PLIN4: variants seen among roughly 807,000 people sequenced by gnomAD.
The protein encoded by PLIN4 is perilipin-4.
In PLIN4, 57 loss-of-function variants were observed where a neutral mutation model predicts 52.4. The ratio of observed to expected loss-of-function variants is 1.09; its 90% CI spans 0.88 to 1.36. The LOEUF is 1.36. PLIN4 is among the 40% of genes most tolerant of loss of function. The pLI, the probability that PLIN4 is intolerant of heterozygous loss-of-function variation, is 0.00. For missense variants in PLIN4, 1,757 were observed against 1,770.3 expected (o/e 0.99, Z 0.13); for synonymous variants, 826 against 785.4 (o/e 1.05, Z -0.86).
rs1230886556 is a variant in PLIN4 at position 4,502,242 on chromosome 19, G to C, written c.*2217C>G. The C allele has an allele frequency of 8.1e-6, 5 of 615,476 alleles. No homozygotes were observed. The Admixed American group carries it at 1.2e-4, about 15-fold the overall frequency. The allele number at this position is 615,476 out of a possible 1,614,324, so 38.1% of individuals were successfully genotyped here. A position where few individuals can be genotyped will look rare whatever the true frequency, so the allele number is the denominator to read the frequency against. On this transcript the variant is annotated 3_prime_UTR_variant, in exon 8 of 8. Coordinates refer to ENST00000301286, the MANE Select transcript of PLIN4 (RefSeq NM_001367868.2). The stretch of plus-strand genomic sequence containing the variant: ...TTTATTGGCTTGGTTTTCTAGCATT[G>C]CTGGTGCAGTGGGGGCCTGAGCTGG...
intron 4 of PLIN4, 88 bp downstream of exon 4, chr19:4,516,529 C>A (rs1976586190): frequency 6.8e-7 from 1 of 1,462,082 alleles, no homozygotes; most frequent in Non-Finnish European, 9.3e-7. Context: ...AGGGAGCAGC[C>A]CCCCAGATAG....
rs766405629 is a variant in PLIN4 at position 4,504,433 on chromosome 19, C to T, written c.*26G>A. Reference sequence around the variant, plus strand: ...CTCCCTGGACAGAGCAGGGCGACCCCGCGCCGGGCCTGCAGGCTCCTACAG... The same window carrying T: ...CTCCCTGGACAGAGCAGGGCGACCCTGCGCCGGGCCTGCAGGCTCCTACAG... On this transcript the variant is annotated 3_prime_UTR_variant, in exon 8 of 8. Transcript: ENST00000301286. 16 of 1,508,994 alleles carry T rather than the reference C, an allele frequency of 1.1e-5. No homozygotes were observed. Among genetic ancestry groups the T allele is most frequent in the East Asian group, 9.6e-5 (4 of 41,532 alleles). 93.5% of individuals were successfully genotyped at this position (1,508,994 alleles called of 1,614,324 possible).
Position 4,512,356 on chromosome 19 carries a change from A to T in PLIN4, c.1604T>A (p.Val535Asp). Residue 535 changes from valine to aspartate, a missense_variant, in exon 5 of 8, where the codon GTC becomes GAC. This residue lies in a region of PLIN4 where 439 missense variants were observed against 406.4 expected (regional missense o/e 1.08). Coordinates refer to ENST00000301286, the MANE Select transcript of PLIN4 (RefSeq NM_001367868.2). ...CACAGCACTGGTCACCCCACTGCAG[A>T]CGGTGTCCTTGGTGCCGGTTAGGAC... ...KTVLTGTKDT[V>D]CSGVTSAVNV... is the part of the protein sequence containing the mutation. The T allele has an allele frequency of 6.2e-7, 1 of 1,610,386 alleles. No homozygotes were observed. Among genetic ancestry groups the T allele is most frequent in the Non-Finnish European group, 8.5e-7 (1 of 1,179,104 alleles).
rs535374567 is a variant in PLIN4, at chr19:4,518,180, C to A, written c.51+42G>T. 1.3e-5 allele frequency: 16 copies of A among 1,225,184 alleles called. No homozygotes were observed. The Admixed American group carries it at 5.0e-4, about 39-fold the overall frequency. The allele number at this position is 1,225,184 out of a possible 1,614,324, so 75.9% of individuals were successfully genotyped here. On this transcript the variant is annotated intron_variant, in intron 2 of 7. Coordinates refer to ENST00000301286, the MANE Select transcript of PLIN4 (RefSeq NM_001367868.2). The stretch of plus-strand genomic sequence containing the variant: ...GTCACCTTCCCCGGCTCTGGGGCAT[C>A]TCCAGGCCCCAGCAAGAATCTGCCC...
rs770531886 is a variant in PLIN4 at position 4,504,808 on chromosome 19, G to T, written c.3790-23C>A. 9 of 1,604,030 alleles carry T rather than the reference G, an allele frequency of 5.6e-6. No homozygotes were observed. The South Asian group carries it at 1.0e-4, about 18-fold the overall frequency. ...CTCCTGTGGGAGGAAGGCGCAAGGT[G>T]AGTGGAGACCCATGGGCGGGGTGGG... On this transcript the variant is annotated intron_variant, in intron 7 of 7. Transcript: ENST00000301286.
At chr19:4,509,782 AATAC>A (rs1976229511) in intron 5 of PLIN4, among the ~76,000 whole-genome samples, 1 of 147,582 alleles carries the variant, frequency 6.8e-6, no homozygotes, top group South Asian at 2.2e-4. Flanking sequence ...CATACAAAAA[AATAC>A]ATAGCCGGGC....
chr19:4,510,958 A>T lies in PLIN4; in HGVS notation c.3002T>A (p.Val1001Asp). The T allele has an allele frequency of 6.2e-7, 1 of 1,612,702 alleles. No individual in the cohort carries two copies. Among genetic ancestry groups the T allele is most frequent in the Non-Finnish European group, 8.5e-7 (1 of 1,179,696 alleles). ...TTTGGCCATGCTCATGGCACCGGTA[A>T]CCCCACTGAAGACAGTGTCCTTGGT... The part of the protein sequence containing the change: ...MGTKDTVFSG[V>D]TGAMSMAKGA... Residue 1001 changes from valine (V) to aspartate (D), a missense_variant, in exon 5 of 8, where the codon GTT becomes GAT. Val to Asp is a radical substitution (Grantham distance 152, BLOSUM62 -3). Around this residue, in one of 7 missense-constraint regions of PLIN4, gnomAD observed 712 missense variants for 637.1 expected, o/e 1.12. Coordinates refer to ENST00000301286, the MANE Select transcript of PLIN4 (RefSeq NM_001367868.2).
rs1198937112 is a variant in PLIN4 at position 4,502,244 on chromosome 19, TGGTGCAGTGGGGGCCTGAGCTGG to T, written c.*2192_*2214del. On this transcript the variant is annotated 3_prime_UTR_variant, in exon 8 of 8. Transcript: ENST00000301286. ...TATTGGCTTGGTTTTCTAGCATTGC[TGGTGCAGTGGGGGCCTGAGCTGG>T]GGCGCAGGCGGCAGTGTCACTGGGC... 1 of 609,216 alleles carries T rather than the reference TGGTGCAGTGGGGGCCTGAGCTGG, an allele frequency of 1.6e-6. No individual in the cohort carries two copies. The allele number at this position is 609,216 out of a possible 1,614,324, so 37.7% of individuals were successfully genotyped here.
intron 6 of PLIN4, among the ~76,000 whole-genome samples, chr19:4,506,475 AACGCG>A: frequency 6.6e-6 from 1 of 152,122 alleles, no homozygotes; most frequent in Non-Finnish European, 1.5e-5. Context: ...AGCATCATCC[AACGCG>A]ACGCCCTATA....
intron 1 of PLIN4, 37 bp downstream of exon 1, chr19:4,518,348 C>T: frequency 8.1e-7 from 1 of 1,231,734 alleles, no homozygotes; most frequent in African/African-American, 1.5e-5. Flanking sequence ...ATCCCACACC[C>T]ACTCCCCACT....
rs573011781 is a variant in PLIN4 at position 4,511,437 on chromosome 19, G to T, written c.2523C>A (p.Asn841Lys). 2 of 1,424,468 alleles carry T rather than the reference G, an allele frequency of 1.4e-6. No individual in the cohort carries two copies. The highest frequency in any genetic ancestry group is 1.9e-6 in the Non-Finnish European group (2 of 1,067,432). The allele number at this position is 1,424,468 out of a possible 1,614,324, so 88.2% of individuals were successfully genotyped here. ...CAGTTTGCACAGCACCCTTGGCCAC[G>T]TTCGCAGCACCGGTGACCCCACTGC... ...TVCSGVTGAA[N>K]VAKGAVQTGL... Residue 841 changes from asparagine (N) to lysine (K), a missense_variant, in exon 5 of 8, where the codon AAC (asparagine) becomes AAA (lysine). Asn to Lys is a moderately conservative substitution (Grantham distance 94, BLOSUM62 0). Transcript: ENST00000301286.
At chr19:4,517,465 A>G in intron 3 of PLIN4, 89 bp downstream of exon 3, 2 of 1,474,546 alleles carry the variant, frequency 1.4e-6, no homozygotes, top group Non-Finnish European at 1.8e-6. Flanking sequence ...AGGACTCCCC[A>G]AATGGCTGGA....
chr19:4,510,328 T>A, intron 5 of PLIN4, 118 bp downstream of exon 5: 1 of 1,146,954 alleles, frequency 8.7e-7, no homozygotes, highest in Non-Finnish European at 1.1e-6. Flanking sequence ...ATCACGCCAC[T>A]GCACTCCAGC....
At position 4,512,858 on chromosome 19, in the gene PLIN4, T is replaced by C. The variant is rs61730750; in HGVS notation, c.1102A>G (p.Asn368Asp). 1.2e-3 allele frequency: 1,751 copies of C among 1,425,000 alleles called. 602 individuals carry two copies. In the African/African-American group the frequency reaches 0.057, roughly 46 times the overall value. 88.3% of individuals were successfully genotyped at this position (1,425,000 alleles called of 1,614,324 possible). ...CCGGTCACCCCACTGCAGACAGTGT[T>C]CTTGGTGCCAGTTAGGACAGTCTTG... is the stretch of plus-strand genomic sequence containing the variant. ...TTKTVLTGTKNTVCSGVTGAV... is the reference protein window; with the variant it reads ...TTKTVLTGTKDTVCSGVTGAV... Residue 368 changes from asparagine (N) to aspartate (D), a missense_variant, in exon 5 of 8, where the codon AAC (asparagine) becomes GAC (aspartate). This residue lies in a region of PLIN4 where 99 missense variants were observed against 143.4 expected (regional missense o/e 0.69). Coordinates refer to ENST00000301286, the MANE Select transcript of PLIN4 (RefSeq NM_001367868.2).
Position 4,512,228 on chromosome 19 carries a change from C to T in PLIN4, c.1732G>A (p.Val578Met), listed in dbSNP as rs559720509. Residue 578 changes from valine (V) to methionine (M), a missense_variant, in exon 5 of 8, where the codon GTG becomes ATG. Val to Met is a conservative substitution (Grantham distance 21, BLOSUM62 1). Coordinates refer to ENST00000301286, the MANE Select transcript of PLIN4 (RefSeq NM_001367868.2). ...MSTGLTGAAN[V>M]AKGAVQTGVD... ...CCTGTCTGGACAGCCCCCTTGGCCA[C>T]ATTCGCTGCCCCCGTGAGCCCAGTG... is the stretch of plus-strand genomic sequence containing the variant. 1.6e-5 allele frequency: 26 copies of T among 1,613,054 alleles called. No homozygotes were observed. The East Asian group carries it at 5.1e-4, about 32-fold the overall frequency.
rs180851626 is a variant in PLIN4, at chr19:4,502,557, G to T, written c.*1902C>A. 4.6e-3 allele frequency: 1,075 copies of T among 236,204 alleles called. 10 individuals carry two copies. Among genetic ancestry groups the T allele is most frequent in the Non-Finnish European group, 4.9e-3 (597 of 121,074 alleles). 14.6% of individuals were successfully genotyped at this position (236,204 alleles called of 1,614,324 possible). A position where few individuals can be genotyped will look rare whatever the true frequency, so the allele number is the denominator to read the frequency against. The stretch of plus-strand genomic sequence containing the variant: ...GCAGGTCCGATGTGGGGAGGACGAG[G>T]GTCCGCGAGGCTAGGCTGGGAGGGT... On this transcript the variant is annotated 3_prime_UTR_variant, in exon 8 of 8. Transcript: ENST00000301286.
At position 4,504,651 on chromosome 19, in the gene PLIN4, G is replaced by A. The variant is rs901853384; in HGVS notation, c.3924C>T (p.Ser1308=). ...CCACGATGCCATAGAGCTCACAGAGGCTGTGCCGCGCCCGCCCCACTGGCT... is the reference window on the plus strand; with the variant it reads ...CCACGATGCCATAGAGCTCACAGAGACTGTGCCGCGCCCGCCCCACTGGCT... ...LQQPVGRARH[S]LCELYGIVAS... The change falls in exon 8 of 8, where the codon AGC becomes AGT. Residue 1308 remains serine (S), a synonymous_variant. Coordinates refer to ENST00000301286, the MANE Select transcript of PLIN4 (RefSeq NM_001367868.2). The A allele has an allele frequency of 1.2e-5, 19 of 1,602,908 alleles. No individual in the cohort carries two copies. The highest frequency in any genetic ancestry group is 5.0e-5 in the Admixed American group (3 of 59,524).
At chr19:4,507,283 C>T (rs547732266) in intron 6 of PLIN4, among the ~76,000 whole-genome samples, 5 of 152,236 alleles carry the variant, frequency 3.3e-5, no homozygotes, top group Non-Finnish European at 7.3e-5. Context: ...CATGTAAAAC[C>T]TGTGACTGCT....
intron 5 of PLIN4, 144 bp from the exon 6 acceptor site, chr19:4,509,099 G>A: frequency 4.2e-6 from 3 of 714,378 alleles, no homozygotes; most frequent in Non-Finnish European, 6.7e-6. Context: ...CACGAGGTCA[G>A]GAGATCGAGA....
Sources: gnomAD v4.1 joint callset for allele counts (sites outside exome capture counted in the v4.1 genomes callset) on GRCh38, gnomAD v4.1.1 for gene constraint, gnomAD v4.1.1 regional missense constraint, MANE v1.5 for transcripts, NCBI Gene and HGNC (gene_info 2026-07-23, HGNC 2026-07-21) for gene names.